DOCK3: variants seen among roughly 807,000 people sequenced by gnomAD.
The protein encoded by DOCK3 is dedicator of cytokinesis protein 3.
A neutral mutation model predicts 265.6 loss-of-function variants in DOCK3; 60 were observed. That is an observed-to-expected ratio of 0.23 (90% confidence interval 0.18 to 0.28). The LOEUF (loss-of-function observed/expected upper bound fraction) is 0.28, where lower values mean the gene tolerates loss of function less well. DOCK3 is among the 10% of genes least tolerant of loss of function. The pLI is 1.00. For missense variants in DOCK3, 1,981 were observed against 2,594.3 expected (o/e 0.76, Z 5.14); for synonymous variants, 881 against 938.0 (o/e 0.94, Z 1.11).
intron 27 of DOCK3, among the ~76,000 whole-genome samples, chr3:51,294,861 A>G (rs1433016866): frequency 6.6e-6 from 1 of 152,110 alleles, no homozygotes; most frequent in Non-Finnish European, 1.5e-5. Flanking sequence ...AATGGAGTGT[A>G]TATTTCAAAA....
intron 2 of DOCK3, among the ~76,000 whole-genome samples, chr3:50,834,350 A>C (rs1213847708): frequency 6.6e-6 from 1 of 152,134 alleles, no homozygotes; most frequent in East Asian, 1.9e-4. Context: ...ACAATTGACT[A>C]TTAATTTTAG....
intron 5 of DOCK3, among the ~76,000 whole-genome samples, chr3:51,038,645 T>C (rs996822262): frequency 6.6e-5 from 10 of 152,252 alleles, no homozygotes; most frequent in Admixed American, 1.3e-4. Context: ...TCTCACTGTA[T>C]AGTGATAACT....
In DOCK3 at chr3:51,374,235, G is replaced by A. The variant is rs758075987; in HGVS notation, c.5294-234G>A. Among the ~76,000 whole-genome samples, 4 of 152,154 alleles carry A rather than the reference G, an allele frequency of 2.6e-5. No homozygotes were observed. Among genetic ancestry groups the A allele is most frequent in the African/African-American group, 7.2e-5 (3 of 41,422 alleles). ...TGAGCATGGTGGGGACTCTGTCAGC[G>A]GATCTGCATCTCACCAGCCTGCTGT... On this transcript the variant is annotated intron_variant, in intron 49 of 52. Coordinates refer to ENST00000266037, the MANE Select transcript of DOCK3 (RefSeq NM_004947.5). The surrounding 1 kb of genome is among the most constrained non-coding windows in gnomAD (Gnocchi z 4.8).
chr3:50,837,078 C>G (rs2045554712), intron 2 of DOCK3, among the ~76,000 whole-genome samples: 1 of 152,208 alleles, frequency 6.6e-6, no homozygotes, highest in Admixed American at 6.5e-5. Flanking sequence ...AAGTTCCAAA[C>G]TTTCCCACAT....
chr3:51,103,713 A>T (rs907154411), intron 9 of DOCK3, among the ~76,000 whole-genome samples: 2 of 152,216 alleles, frequency 1.3e-5, no homozygotes, highest in African/African-American at 4.8e-5. Flanking sequence ...ACTTAATATA[A>T]ATCTATTGCC....
At chr3:51,235,647 C>T (rs923409975) in intron 19 of DOCK3, among the ~76,000 whole-genome samples, 1 of 152,150 alleles carries the variant, frequency 6.6e-6, no homozygotes, top group Non-Finnish European at 1.5e-5. Context: ...GAATTGTAAA[C>T]ATTGTATCTT....
chr3:51,260,885 G>A lies in DOCK3; in HGVS notation c.2355+559G>A, dbSNP rs754006472. 2.9e-4 allele frequency among the ~76,000 whole-genome samples: 44 copies of A among 152,180 alleles called. 1 individual carries two copies. The Middle Eastern group carries it at 0.021, about 71-fold the overall frequency. On this transcript the variant is annotated intron_variant, in intron 23 of 52. Coordinates refer to ENST00000266037, the MANE Select transcript of DOCK3 (RefSeq NM_004947.5). ...TGTAGTCCCAGCTACTCAGGAGGCT[G>A]AGGCAGGAGAATTGCTTGAACCCGG...
intron 9 of DOCK3, among the ~76,000 whole-genome samples, chr3:51,124,071 A>G (rs1164387809): frequency 6.6e-6 from 1 of 152,144 alleles, no homozygotes; most frequent in African/African-American, 2.4e-5. Context: ...TAAGCCTTGG[A>G]GATGAGGAAT....
At chr3:51,318,188 G>A (rs2083477116) in intron 32 of DOCK3, among the ~76,000 whole-genome samples, 1 of 151,994 alleles carries the variant, frequency 6.6e-6, no homozygotes, top group Admixed American at 6.6e-5. Context: ...AGAGCAGCCT[G>A]GCCAACACAG....
intron 1 of DOCK3, among the ~76,000 whole-genome samples, chr3:50,742,689 G>C (rs1176000147): frequency 6.6e-6 from 1 of 152,124 alleles, no homozygotes; most frequent in African/African-American, 2.4e-5. Flanking sequence ...AGAAATATGG[G>C]ACTATGTGAA....
chr3:51,244,657 G>C (rs1255149456), intron 21 of DOCK3, among the ~76,000 whole-genome samples: 1 of 152,052 alleles, frequency 6.6e-6, no homozygotes, highest in Non-Finnish European at 1.5e-5. Flanking sequence ...TTTTCAATTT[G>C]AATGTCTTTG....
rs3073874 is a variant in DOCK3, at chr3:51,220,709, G to GTATATATATA, written c.1253-4925_1253-4916dup. ...TATATGTGTGTGTGTGTGTGTGTGT[G>GTATATATATA]TATATATATATATATATATATATAA... On this transcript the variant is annotated intron_variant, in intron 14 of 52. Transcript: ENST00000266037. Among the ~76,000 whole-genome samples, 526 of 132,348 alleles carry GTATATATATA rather than the reference G, an allele frequency of 4.0e-3. 2 individuals are homozygous for GTATATATATA. Among genetic ancestry groups the GTATATATATA allele is most frequent in the South Asian group, 5.5e-3 (24 of 4,348 alleles). 86.8% of individuals were successfully genotyped at this position (132,348 alleles called of 152,430 possible). A position where few individuals can be genotyped will look rare whatever the true frequency, so the allele number is the denominator to read the frequency against.
At chr3:51,131,133 G>A (rs1342700597) in intron 9 of DOCK3, among the ~76,000 whole-genome samples, 1 of 152,136 alleles carries the variant, frequency 6.6e-6, no homozygotes, top group African/African-American at 2.4e-5. Flanking sequence ...TCTGCCAGCT[G>A]CTAAGTATGT....
chr3:50,766,495 G>A (rs2040886686), intron 1 of DOCK3, among the ~76,000 whole-genome samples: 1 of 151,968 alleles, frequency 6.6e-6, no homozygotes. Flanking sequence ...GTGTATATGT[G>A]CCACATTTTC....
At chr3:51,223,854 T>G (rs1224200915) in intron 14 of DOCK3, among the ~76,000 whole-genome samples, 4 of 152,240 alleles carry the variant, frequency 2.6e-5, no homozygotes, top group Non-Finnish European at 5.9e-5. Context: ...AGTAGCAGAC[T>G]GATGAATTTG....
intron 4 of DOCK3, among the ~76,000 whole-genome samples, chr3:50,920,080 T>C (rs1185085033): frequency 6.6e-6 from 1 of 152,242 alleles, no homozygotes; most frequent in Non-Finnish European, 1.5e-5. Flanking sequence ...TGAACCAGCC[T>C]TGCATCCCAG....
chr3:50,979,134 C>G (rs571000188), intron 5 of DOCK3, among the ~76,000 whole-genome samples: 1 of 152,136 alleles, frequency 6.6e-6, no homozygotes, highest in Non-Finnish European at 1.5e-5. Context: ...GAGCTGTAGA[C>G]CGGAGCTGTT....
intron 5 of DOCK3, among the ~76,000 whole-genome samples, chr3:51,006,761 T>TCTCC (rs1049314198): frequency 6.6e-6 from 1 of 152,132 alleles, no homozygotes; most frequent in African/African-American, 2.4e-5. Flanking sequence ...CTCCTAGTGC[T>TCTCC]CTCCCTCCCT....
intron 27 of DOCK3, among the ~76,000 whole-genome samples, chr3:51,305,461 G>A (rs2082601986): frequency 6.6e-6 from 1 of 152,146 alleles, no homozygotes; most frequent in Admixed American, 6.5e-5. Flanking sequence ...AATCTAAAGT[G>A]TGTACCTTGT....
Sources: allele counts gnomAD v4.1 joint callset (sites outside exome capture counted in the v4.1 genomes callset), GRCh38; gene constraint gnomAD v4.1.1; non-coding constraint Gnocchi (gnomAD v3.1); transcripts MANE v1.5; gene names NCBI Gene and HGNC (gene_info 2026-07-23, HGNC 2026-07-21).